The following NRXN1 variants were observed in gnomAD, a reference collection of about 807,000 sequenced individuals.
NRXN1 encodes the protein neurexin 1.
NRXN1 carries 39 observed loss-of-function variants against 150.9 expected under a neutral mutation model. That is an observed-to-expected ratio of 0.26 (90% confidence interval 0.20 to 0.34). The LOEUF (loss-of-function observed/expected upper bound fraction) is 0.34, where lower values mean the gene tolerates loss of function less well. NRXN1 is among the 10% of genes least tolerant of loss of function. The probability of loss-of-function intolerance (pLI) is 1.00; values close to 1 mark genes in which losing one functional copy is unlikely to be tolerated. For synonymous variants in NRXN1, 924 were observed against 757.0 expected, an observed-to-expected ratio of 1.22 and a Z score of -3.62; for missense variants, 1,815 against 1,949.9, an observed-to-expected ratio of 0.93 and a Z score of 1.30.
chr2:50,257,652 C>T (rs544139528), intron 17 of NRXN1, among the ~76,000 whole-genome samples: 1 of 151,722 alleles, frequency 6.6e-6, no homozygotes. Context: ...TTTTTCTGTA[C>T]TATACATATA....
chr2:50,044,736 CA>C (rs974392472), intron 21 of NRXN1, among the ~76,000 whole-genome samples: 2 of 151,904 alleles, frequency 1.3e-5, no homozygotes, highest in Non-Finnish European at 2.9e-5. Flanking sequence ...AATGGTTCTT[CA>C]AAAAAATCCT....
intron 5 of NRXN1, among the ~76,000 whole-genome samples, chr2:50,776,601 A>G (rs1415729449): frequency 6.6e-6 from 1 of 150,980 alleles, no homozygotes; most frequent in Non-Finnish European, 1.5e-5. Context: ...TTATATATGA[A>G]AAGTATGCAT....
intron 5 of NRXN1, among the ~76,000 whole-genome samples, chr2:50,797,184 A>T (rs767131678): frequency 4.6e-5 from 7 of 151,956 alleles, no homozygotes; most frequent in East Asian, 1.9e-4. Flanking sequence ...TTATTTTTAA[A>T]TTTTTTTCCT....
intron 17 of NRXN1, among the ~76,000 whole-genome samples, chr2:50,420,804 T>C (rs1299326932): frequency 6.6e-6 from 1 of 152,040 alleles, no homozygotes; most frequent in East Asian, 1.9e-4. Context: ...TTTGCTGTGG[T>C]AATCCTATTA....
intron 8 of NRXN1, among the ~76,000 whole-genome samples, chr2:50,554,927 AC>A (rs1668015495): frequency 1.3e-5 from 2 of 152,216 alleles, no homozygotes; most frequent in Non-Finnish European, 1.5e-5. Flanking sequence ...TTGAGCAATA[AC>A]AAAAAGGAAT....
At chr2:50,434,955 CA>C (rs1298655535) in intron 17 of NRXN1, among the ~76,000 whole-genome samples, 2 of 151,992 alleles carry the variant, frequency 1.3e-5, no homozygotes, top group Admixed American at 1.3e-4. Context: ...TATCTGCTGT[CA>C]AAACTCAATG....
intron 12 of NRXN1, 100 bp from the exon 13 acceptor site, chr2:50,506,717 G>T: frequency 9.1e-7 from 1 of 1,096,052 alleles, no homozygotes; most frequent in Non-Finnish European, 1.3e-6. Context: ...GAAGGTGAGG[G>T]AGAGAGAGGA....
chr2:50,320,302 A>G (rs1369032134), intron 17 of NRXN1, among the ~76,000 whole-genome samples: 4 of 118,796 alleles, frequency 3.4e-5, no homozygotes, highest in African/African-American at 1.3e-4. Context: ...ATATATATAT[A>G]TATATATATA....
intron 5 of NRXN1, among the ~76,000 whole-genome samples, chr2:50,847,712 G>A (rs972507811): frequency 1.3e-5 from 2 of 152,164 alleles, no homozygotes; most frequent in South Asian, 4.1e-4. Context: ...AGAGAACATC[G>A]AGAGGATGTC....
chr2:50,707,706 C>A (rs965513310), intron 5 of NRXN1, among the ~76,000 whole-genome samples: 1 of 152,018 alleles, frequency 6.6e-6, no homozygotes, highest in African/African-American at 2.4e-5. Context: ...ACAATGTGAT[C>A]GATCCAGAAG....
chr2:50,792,198 A>T (rs934012161), intron 5 of NRXN1, among the ~76,000 whole-genome samples: 1 of 152,162 alleles, frequency 6.6e-6, no homozygotes, highest in African/African-American at 2.4e-5. Flanking sequence ...TGTACGAGAA[A>T]ACTACAGTTT....
rs1417504157 is a variant in NRXN1 at position 50,154,361 on chromosome 2, C to A, written c.3547-62867G>T. The stretch of plus-strand genomic sequence containing the variant: ...CCAAATACCACCTGCTCCCTAAAAA[C>A]CTATTAAAATTAAACAAAAAAAACA... On this transcript the variant is annotated intron_variant, in intron 18 of 22. Transcript: ENST00000401669. 2.0e-5 allele frequency among the ~76,000 whole-genome samples: 3 copies of A among 151,460 alleles called. No individual in the cohort carries two copies. In the East Asian group the frequency reaches 5.9e-4, roughly 30 times the overall value.
intron 2 of NRXN1, among the ~76,000 whole-genome samples, chr2:50,937,585 C>A (rs1688736347): frequency 6.6e-6 from 1 of 151,898 alleles, no homozygotes; most frequent in South Asian, 2.1e-4. Flanking sequence ...TCAGGCAGTC[C>A]CAGATTTATT....
intron 18 of NRXN1, among the ~76,000 whole-genome samples, chr2:50,153,650 T>C (rs1451535078): frequency 5.9e-5 from 9 of 151,770 alleles, no homozygotes; most frequent in Non-Finnish European, 1.0e-4. Context: ...CCTCTGCATA[T>C]GCAGTTGCTT....
At chr2:50,010,311 G>A (rs1685448407) in intron 21 of NRXN1, among the ~76,000 whole-genome samples, 2 of 152,098 alleles carry the variant, frequency 1.3e-5, no homozygotes, top group African/African-American at 4.8e-5. Context: ...GGAAATACTG[G>A]CTACCATAAA....
intron 5 of NRXN1, among the ~76,000 whole-genome samples, chr2:50,768,299 C>A (rs540612657): frequency 1.3e-5 from 2 of 152,076 alleles, no homozygotes; most frequent in Admixed American, 6.6e-5. Context: ...CTTGGTCAAA[C>A]CAGGTAATAA....
intron 19 of NRXN1, among the ~76,000 whole-genome samples, chr2:50,086,241 C>A (rs1698759853): frequency 6.6e-6 from 1 of 152,050 alleles, no homozygotes; most frequent in Non-Finnish European, 1.5e-5. Flanking sequence ...AATAGAGTGA[C>A]TTAAATAAAT....
intron 5 of NRXN1, among the ~76,000 whole-genome samples, chr2:50,884,879 A>G (rs898748972): frequency 3.3e-5 from 5 of 151,534 alleles, no homozygotes; most frequent in African/African-American, 1.2e-4. Context: ...TAGCAATTGA[A>G]GGGGGAGGGA....
intron 17 of NRXN1, among the ~76,000 whole-genome samples, chr2:50,437,049 A>G (rs1431260922): frequency 1.3e-5 from 2 of 152,196 alleles, no homozygotes; most frequent in South Asian, 2.1e-4. Flanking sequence ...TGCTAGAAAC[A>G]GTCTTTCATT....
Sources: gnomAD v4.1 joint callset for allele counts (sites outside exome capture counted in the v4.1 genomes callset) on GRCh38, gnomAD v4.1.1 for gene constraint, MANE v1.5 for transcripts, NCBI Gene and HGNC (gene_info 2026-07-23, HGNC 2026-07-21) for gene names.